The following NFKB1 variants were observed in gnomAD, a reference collection of about 807,000 sequenced individuals.
NFKB1 encodes nuclear factor kappa B subunit 1.
In NFKB1, 9 loss-of-function variants were observed where a neutral mutation model predicts 105.1. The observed-to-expected ratio is 0.09, with a 90% CI of 0.05 to 0.15. The LOEUF (loss-of-function observed/expected upper bound fraction) is 0.15, where lower values mean the gene tolerates loss of function less well. Among genes scored for constraint, NFKB1 ranks in the 10% least tolerant of loss-of-function variants. The pLI is 1.00. For missense variants in NFKB1, 830 were observed against 1,203.7 expected (o/e 0.69, Z 4.59); for synonymous variants, 440 against 442.2 (o/e 1.00, Z 0.06).
chr4:102,573,662 C>A (rs1471028345), intron 6 of NFKB1, among the ~76,000 whole-genome samples: 1 of 152,060 alleles, frequency 6.6e-6, no homozygotes, highest in African/African-American at 2.4e-5. Context: ...CTTCTGGAAC[C>A]CCAGTTGCAC....
At chr4:102,591,721 C>T (rs1296889314) in intron 11 of NFKB1, among the ~76,000 whole-genome samples, 1 of 152,170 alleles carries the variant, frequency 6.6e-6, no homozygotes, top group Non-Finnish European at 1.5e-5. Context: ...CCTAGTCACC[C>T]AAGAGCTCTG....
chr4:102,526,169 C>T (rs572976139), intron 2 of NFKB1, among the ~76,000 whole-genome samples: 3 of 152,188 alleles, frequency 2.0e-5, no homozygotes, highest in South Asian at 4.2e-4. Flanking sequence ...TTTATATCTG[C>T]GAAGACCCTA....
At chr4:102,535,525 T>C (rs916565886) in intron 4 of NFKB1, among the ~76,000 whole-genome samples, 1 of 152,190 alleles carries the variant, frequency 6.6e-6, no homozygotes, top group Non-Finnish European at 1.5e-5. Context: ...AGTCAGACTT[T>C]CTGACTGAAT....
chr4:102,508,868 T>C (rs1739598191), intron 1 of NFKB1, among the ~76,000 whole-genome samples: 2 of 152,136 alleles, frequency 1.3e-5, no homozygotes, highest in African/African-American at 2.4e-5. Context: ...AGAAAGTGAA[T>C]GAGAATTATA....
At chr4:102,556,239 C>T (rs957267565) in intron 5 of NFKB1, among the ~76,000 whole-genome samples, 5 of 152,054 alleles carry the variant, frequency 3.3e-5, no homozygotes, top group Admixed American at 2.0e-4. Flanking sequence ...TGAGCTGTAA[C>T]GGTATTATGG....
At chr4:102,571,341 A>ATTAAAGAC (rs1724339063) in intron 6 of NFKB1, among the ~76,000 whole-genome samples, 1 of 152,234 alleles carries the variant, frequency 6.6e-6, no homozygotes, top group African/African-American at 2.4e-5. Flanking sequence ...TTCAAGATGG[A>ATTAAAGAC]TTAAAGACTT....
At chr4:102,557,455 A>AT (rs1451951028) in intron 5 of NFKB1, among the ~76,000 whole-genome samples, 1 of 152,164 alleles carries the variant, frequency 6.6e-6, no homozygotes. Flanking sequence ...TTATTGAAAC[A>AT]TACTCCACTA....
At chr4:102,589,581 T>C (rs1726004648) in intron 11 of NFKB1, among the ~76,000 whole-genome samples, 1 of 152,154 alleles carries the variant, frequency 6.6e-6, no homozygotes, top group Non-Finnish European at 1.5e-5. Context: ...TGCAGTTAGA[T>C]GATCATGAGA....
chr4:102,593,298 C>A, intron 11 of NFKB1, 127 bp from the exon 12 acceptor site: 1 of 897,514 alleles, frequency 1.1e-6, no homozygotes, highest in South Asian at 1.8e-5. Flanking sequence ...CCATCTCTTC[C>A]TCTTTGAGTG....
intron 6 of NFKB1, among the ~76,000 whole-genome samples, chr4:102,574,729 T>C (rs1309725593): frequency 2.6e-5 from 4 of 152,184 alleles, no homozygotes; most frequent in African/African-American, 9.7e-5. Context: ...AAAAACCATT[T>C]CTTCATGTAT....
intron 5 of NFKB1, among the ~76,000 whole-genome samples, chr4:102,555,741 G>A (rs994611883): frequency 3.3e-5 from 5 of 152,210 alleles, no homozygotes; most frequent in African/African-American, 7.2e-5. Context: ...TGAAGAGCAC[G>A]TGGAAGGCAA....
In NFKB1 at chr4:102,596,331, G is replaced by A. The variant is rs751909408; in HGVS notation, c.1494G>A (p.Gln498=). Residue 498 remains glutamine, a splice_region_variant and synonymous_variant, in exon 14 of 24, where the codon CAG becomes CAA. Transcript: ENST00000226574. ...CAAAAGAAGAGAGTGCTGGAGTTCA[G>A]GGTAAGTGAGCACACAAATTACGTT... ...TGTKEESAGV[Q]DNLFLEKAMQ... 1.9e-6 allele frequency: 3 copies of A among 1,598,866 alleles called. No individual in the cohort carries two copies. Among genetic ancestry groups the A allele is most frequent in the South Asian group, 2.2e-5 (2 of 89,548 alleles).
chr4:102,564,396 C>T (rs1427305318), intron 5 of NFKB1, among the ~76,000 whole-genome samples: 1 of 152,174 alleles, frequency 6.6e-6, no homozygotes, highest in Non-Finnish European at 1.5e-5. Context: ...CAAATAGTAT[C>T]ACTGTCTTCT....
At chr4:102,551,372 G>GCGCGCA (rs1722589041) in intron 5 of NFKB1, among the ~76,000 whole-genome samples, 3 of 139,876 alleles carry the variant, frequency 2.1e-5, no homozygotes, top group East Asian at 2.0e-4. Context: ...GTGTGTGCGC[G>GCGCGCA]CGCGCATGTG....
At chr4:102,560,256 A>C (rs747523041) in intron 5 of NFKB1, among the ~76,000 whole-genome samples, 1 of 152,218 alleles carries the variant, frequency 6.6e-6, no homozygotes, top group Non-Finnish European at 1.5e-5. Context: ...CTTTCTCGAA[A>C]GAAGCATGAT....
chr4:102,606,826 C>G, intron 17 of NFKB1, 129 bp downstream of exon 17: 1 of 984,552 alleles, frequency 1.0e-6, no homozygotes, highest in Non-Finnish European at 1.5e-6. Flanking sequence ...AGTTCATCAT[C>G]TCTTTTGGGC....
intron 5 of NFKB1, among the ~76,000 whole-genome samples, chr4:102,552,089 G>T (rs1458551127): frequency 2.0e-5 from 3 of 152,150 alleles, no homozygotes; most frequent in Non-Finnish European, 4.4e-5. Flanking sequence ...GGAAGTGGTG[G>T]TCTCATTTGC....
At chr4:102,573,739 T>A (rs1237261161) in intron 6 of NFKB1, among the ~76,000 whole-genome samples, 1 of 152,146 alleles carries the variant, frequency 6.6e-6, no homozygotes, top group Non-Finnish European at 1.5e-5. Context: ...ATCTTTTTTT[T>A]CTCTTTCATT....
chr4:102,509,247 A>T (rs1739622792), intron 1 of NFKB1, among the ~76,000 whole-genome samples: 1 of 152,228 alleles, frequency 6.6e-6, no homozygotes, highest in South Asian at 2.1e-4. Context: ...TCGATTTCCC[A>T]TTTAAGACAT....
Sources: allele counts gnomAD v4.1 joint callset (sites outside exome capture counted in the v4.1 genomes callset), GRCh38; gene constraint gnomAD v4.1.1; transcripts MANE v1.5; gene names NCBI Gene and HGNC (gene_info 2026-07-23, HGNC 2026-07-21).